The following CSMD1 variants were observed in gnomAD, a reference collection of about 807,000 sequenced individuals.
The protein encoded by CSMD1 is CUB and sushi domain-containing protein 1.
Under a neutral mutation model 417.5 loss-of-function variants are expected in CSMD1, and 213 were observed. That is an observed-to-expected ratio of 0.51 (90% CI 0.46 to 0.57). The LOEUF (loss-of-function observed/expected upper bound fraction) is 0.57. CSMD1 is among the 20% of genes least tolerant of loss of function. CSMD1 has a pLI of 0.00. For missense variants in CSMD1, 6,923 were observed against 4,529.7 expected, an observed-to-expected ratio of 1.53 and a Z score of -15.17; for synonymous variants, 2,862 against 1,736.8, an observed-to-expected ratio of 1.65 and a Z score of -16.11.
At chr8:4,721,302 G>T (rs996457771) in intron 1 of CSMD1, among the ~76,000 whole-genome samples, 1 of 152,136 alleles carries the variant, frequency 6.6e-6, no homozygotes, top group Admixed American at 6.6e-5. Context: ...AAATACATGT[G>T]ATTTTGTAGT....
In CSMD1 at chr8:4,260,454, G is replaced by A. The variant is rs144072301; in HGVS notation, c.415+159499C>T. On this transcript the variant is annotated intron_variant, in intron 3 of 69. Transcript: ENST00000635120. ...GTATGTACTTTACTGAGTGTGGGTT[G>A]GGGATGTTAGTGAACATTGTTCACC... Among the ~76,000 whole-genome samples the A allele has an allele frequency of 2.6e-4, 39 of 152,210 alleles. No homozygotes were observed. In the East Asian group the frequency reaches 7.5e-3, roughly 29 times the overall value.
intron 7 of CSMD1, among the ~76,000 whole-genome samples, chr8:3,665,200 T>C (rs534005025): frequency 2.0e-5 from 3 of 152,300 alleles, no homozygotes; most frequent in Admixed American, 6.5e-5. Flanking sequence ...TTGCATCTTT[T>C]ACTGATATAT....
intron 6 of CSMD1, among the ~76,000 whole-genome samples, chr8:3,721,603 C>T (rs189798841): frequency 6.6e-6 from 1 of 152,204 alleles, no homozygotes; most frequent in African/African-American, 2.4e-5. Flanking sequence ...TTTCTCCTTT[C>T]TCAGTCCTAC....
chr8:4,394,064 A>C (rs188508907), intron 3 of CSMD1, among the ~76,000 whole-genome samples: 1 of 152,132 alleles, frequency 6.6e-6, no homozygotes, highest in Non-Finnish European at 1.5e-5. Context: ...TCAGTTACTC[A>C]TATCTGAAAC....
chr8:3,762,566 G>A (rs1055014353), intron 5 of CSMD1, among the ~76,000 whole-genome samples: 1 of 152,194 alleles, frequency 6.6e-6, no homozygotes, highest in African/African-American at 2.4e-5. Context: ...AACTCCATTT[G>A]GTATCACAGC....
rs555070512 is a variant in CSMD1, at chr8:4,834,906, G to C, written c.85+159426C>G. Reference sequence around the variant, plus strand: ...CGGGAGGCGGAGCTTGCAGTGATCTGAGATGGCGCCACTGCACTCCAGCCT... The same window carrying C: ...CGGGAGGCGGAGCTTGCAGTGATCTCAGATGGCGCCACTGCACTCCAGCCT... On this transcript the variant is annotated intron_variant, in intron 1 of 69. Transcript: ENST00000635120. Among the ~76,000 whole-genome samples, 4 of 127,858 alleles carry C rather than the reference G, an allele frequency of 3.1e-5. No homozygotes were observed. The South Asian group carries it at 8.1e-4, about 26-fold the overall frequency. 83.9% of individuals were successfully genotyped at this position (127,858 alleles called of 152,430 possible).
intron 52 of CSMD1, among the ~76,000 whole-genome samples, chr8:3,006,287 G>A (rs567284874): frequency 5.7e-4 from 87 of 151,550 alleles, no homozygotes; most frequent in Middle Eastern, 3.4e-3. Context: ...ACAAACAAAC[G>A]GAAGAACATT....
At chr8:4,566,964 G>C (rs1003890704) in intron 2 of CSMD1, among the ~76,000 whole-genome samples, 6 of 152,020 alleles carry the variant, frequency 3.9e-5, no homozygotes, top group Non-Finnish European at 7.4e-5. Flanking sequence ...GACTTTAGCA[G>C]TCTCTGGAGA....
intron 2 of CSMD1, among the ~76,000 whole-genome samples, chr8:4,496,437 C>A (rs908762738): frequency 6.6e-6 from 1 of 152,148 alleles, no homozygotes; most frequent in African/African-American, 2.4e-5. Flanking sequence ...AACATAAAAG[C>A]CTGGACATTC....
chr8:3,189,907 C>A lies in CSMD1; in HGVS notation c.5398+5G>T. 1 of 1,569,406 alleles carries A rather than the reference C, an allele frequency of 6.4e-7. No homozygotes were observed. The highest frequency in any genetic ancestry group is 8.6e-7 in the Non-Finnish European group (1 of 1,158,102). On this transcript the variant is annotated splice_donor_5th_base_variant and intron_variant, in intron 34 of 69. Coordinates refer to ENST00000635120, the MANE Select transcript of CSMD1 (RefSeq NM_033225.6). ...GGCGGGCAGCCGCTTAGGGACACTG[C>A]TCACCCACACAGCTGGGGATCGTGT... is the stretch of plus-strand genomic sequence containing the variant.
At chr8:3,936,349 G>A (rs1052052568) in intron 5 of CSMD1, among the ~76,000 whole-genome samples, 33 of 152,242 alleles carry the variant, frequency 2.2e-4, no homozygotes, top group African/African-American at 7.5e-4. Flanking sequence ...CCTTGTATTA[G>A]AAGACGATAC....
At chr8:4,079,229 C>T (rs913776309) in intron 3 of CSMD1, among the ~76,000 whole-genome samples, 2 of 152,108 alleles carry the variant, frequency 1.3e-5, no homozygotes, top group African/African-American at 4.8e-5. Flanking sequence ...TGGGAAACAA[C>T]TGAATGAGTA....
At chr8:3,888,298 C>T (rs890424680) in intron 5 of CSMD1, among the ~76,000 whole-genome samples, 2 of 152,164 alleles carry the variant, frequency 1.3e-5, no homozygotes, top group Non-Finnish European at 2.9e-5. Context: ...ATAAGCTTGA[C>T]ACTTTGATCT....
At chr8:3,916,272 C>T (rs771187847) in intron 5 of CSMD1, among the ~76,000 whole-genome samples, 4 of 152,032 alleles carry the variant, frequency 2.6e-5, no homozygotes, top group Non-Finnish European at 5.9e-5. Context: ...GCCCAGAAAG[C>T]TTTTGTGGAA....
chr8:3,505,787 G>C (rs560923108), intron 10 of CSMD1, among the ~76,000 whole-genome samples: 19 of 152,254 alleles, frequency 1.2e-4, no homozygotes, highest in Middle Eastern at 3.4e-3. Flanking sequence ...AGAAGGAAGA[G>C]AAAATATTTA....
chr8:4,633,853 G>C (rs534654485), intron 2 of CSMD1, among the ~76,000 whole-genome samples: 1 of 152,134 alleles, frequency 6.6e-6, no homozygotes. Flanking sequence ...GAGCCACCAT[G>C]CTTAGCCCAA....
chr8:3,981,516 A>AAAAAAAAAAAAAAC (rs1563280396), intron 5 of CSMD1, among the ~76,000 whole-genome samples: 1 of 150,988 alleles, frequency 6.6e-6, no homozygotes, highest in African/African-American at 2.4e-5. Flanking sequence ...AAAAAAAAAA[A>AAAAAAAAAAAAAAC]AAAAAAAAAG....
At chr8:4,568,964 G>C (rs780458012) in intron 2 of CSMD1, among the ~76,000 whole-genome samples, 1 of 151,884 alleles carries the variant, frequency 6.6e-6, no homozygotes, top group Non-Finnish European at 1.5e-5. Context: ...TTTTTGATGG[G>C]TTTTTTCTTG....
chr8:4,421,884 T>C (rs990411722), intron 2 of CSMD1, among the ~76,000 whole-genome samples: 1 of 151,722 alleles, frequency 6.6e-6, no homozygotes, highest in Non-Finnish European at 1.5e-5. Context: ...GCCAGTTCTT[T>C]GGGAAAATAA....
Sources: allele counts gnomAD v4.1 joint callset (sites outside exome capture counted in the v4.1 genomes callset), GRCh38; gene constraint gnomAD v4.1.1; transcripts MANE v1.5; gene names NCBI Gene and HGNC (gene_info 2026-07-23, HGNC 2026-07-21).